PCDH15: variants seen among roughly 807,000 people sequenced by gnomAD.
The protein encoded by PCDH15 is protocadherin related 15, also known as protocadherin-15.
In PCDH15, 129 loss-of-function variants were observed where a neutral mutation model predicts 178.5. The observed-to-expected ratio is 0.72, with a 90% CI of 0.63 to 0.84. The LOEUF (loss-of-function observed/expected upper bound fraction) is 0.84. Among genes scored for constraint, PCDH15 ranks in the 40% least tolerant of loss-of-function variants. PCDH15 has a pLI of 0.00. For missense variants in PCDH15, 2,230 were observed against 2,099.9 expected (o/e 1.06, Z -1.21); for synonymous variants, 800 against 732.0 (o/e 1.09, Z -1.50).
rs189327259 is a variant in PCDH15 at position 54,996,940 on chromosome 10, C to T, written c.-79-99440G>A. 7.9e-5 allele frequency among the ~76,000 whole-genome samples: 12 copies of T among 152,114 alleles called. No homozygotes were observed. In the East Asian group the frequency reaches 2.1e-3, roughly 27 times the overall value. ...CCTGGCCAACATGGTGAAACTCTGT[C>T]TGTACTAAAAATACAAAAATTAGCC... On this transcript the variant is annotated intron_variant, in intron 2 of 5. Coordinates refer to the PCDH15 transcript ENST00000458638.
chr10:53,934,540 G>C (rs1052964466), intron 25 of PCDH15, among the ~76,000 whole-genome samples: 3 of 151,450 alleles, frequency 2.0e-5, no homozygotes, highest in African/African-American at 4.9e-5. Flanking sequence ...GGTGCTTGCA[G>C]TGAGCCCAGA....
chr10:54,004,612 C>A (rs2092315227), intron 20 of PCDH15, among the ~76,000 whole-genome samples: 1 of 151,896 alleles, frequency 6.6e-6, no homozygotes, highest in Non-Finnish European at 1.5e-5. Flanking sequence ...AGTGAAAGTT[C>A]TCTGCAATGG....
At chr10:53,951,611 T>C (rs1007278500) in intron 23 of PCDH15, among the ~76,000 whole-genome samples, 5 of 152,344 alleles carry the variant, frequency 3.3e-5, no homozygotes, top group East Asian at 3.9e-4. Context: ...TTTTTGGTCG[T>C]GTGTATGCTT....
chr10:54,928,216 G>T (rs549363983), intron 2 of PCDH15, among the ~76,000 whole-genome samples: 1 of 152,194 alleles, frequency 6.6e-6, no homozygotes, highest in South Asian at 2.1e-4. Flanking sequence ...CTGAATAAAA[G>T]ATTCTGGAAT....
At chr10:54,813,577 A>C (rs1014117930) in intron 3 of PCDH15, among the ~76,000 whole-genome samples, 5 of 152,082 alleles carry the variant, frequency 3.3e-5, no homozygotes, top group Non-Finnish European at 7.4e-5. Context: ...TTTTCCAATC[A>C]AACACATACC....
At chr10:53,923,862 T>G (rs371511363) in intron 25 of PCDH15, among the ~76,000 whole-genome samples, 22 of 152,252 alleles carry the variant, frequency 1.4e-4, no homozygotes, top group African/African-American at 4.3e-4. Flanking sequence ...ATTCTTTTCC[T>G]CTCATTCACT....
At chr10:55,247,678 G>C (rs1040308813) in intron 1 of PCDH15, 1 of 151,360 alleles carries the variant, frequency 6.6e-6, no homozygotes, top group African/African-American at 2.4e-5. Flanking sequence ...CAGCATTTTG[G>C]GAGGCCGAAG....
At chr10:54,427,380 T>G (rs2778922) in intron 3 of PCDH15, among the ~76,000 whole-genome samples, 109,617 of 148,760 alleles carry the variant, frequency 0.74, 41,580 homozygotes, top group African/African-American at 0.86. Context: ...CTGGGTTCAA[T>G]TGATTCTCCT....
intron 29 of PCDH15, among the ~76,000 whole-genome samples, chr10:53,839,135 T>C (rs1005416846): frequency 2.3e-5 from 3 of 131,456 alleles, no homozygotes; most frequent in Admixed American, 1.9e-4. Context: ...ACCCGGGAGG[T>C]GGAGCTTGCA....
chr10:54,501,972 TTAATA>T (rs1006759882), intron 3 of PCDH15, among the ~76,000 whole-genome samples: 13 of 152,086 alleles, frequency 8.5e-5, no homozygotes, highest in Admixed American at 3.3e-4. Context: ...ATTGCTCTTC[TTAATA>T]TAATATGTTA....
intron 2 of PCDH15, among the ~76,000 whole-genome samples, chr10:54,983,519 A>T (rs1308729276): frequency 6.6e-6 from 1 of 152,158 alleles, no homozygotes; most frequent in Non-Finnish European, 1.5e-5. Flanking sequence ...GAGACAACTA[A>T]GTGTTCTTGG....
intron 2 of PCDH15, chr10:54,600,715 A>G: frequency 1.9e-6 from 1 of 536,898 alleles, no homozygotes. Context: ...TTTAAGCCAT[A>G]CGACAATTTC....
chr10:55,482,583 T>C (rs1198090621), intron 2 of PCDH15, among the ~76,000 whole-genome samples: 1 of 151,782 alleles, frequency 6.6e-6, no homozygotes, highest in Non-Finnish European at 1.5e-5. Context: ...TGAAGTTTAG[T>C]TTGGCTGAAT....
chr10:55,011,710 T>C (rs562536463), intron 2 of PCDH15, among the ~76,000 whole-genome samples: 4 of 152,120 alleles, frequency 2.6e-5, no homozygotes, highest in African/African-American at 9.6e-5. Flanking sequence ...AGTACATTAA[T>C]AGGTCATGAT....
intron 3 of PCDH15, among the ~76,000 whole-genome samples, chr10:54,407,150 A>G (rs1417482682): frequency 5.3e-5 from 8 of 152,186 alleles, no homozygotes; most frequent in Non-Finnish European, 1.2e-4. Flanking sequence ...AATTTCTTAA[A>G]TAGGCAAAAT....
At chr10:54,549,457 T>C (rs2086284748) in intron 2 of PCDH15, among the ~76,000 whole-genome samples, 1 of 151,948 alleles carries the variant, frequency 6.6e-6, no homozygotes, top group African/African-American at 2.4e-5. Context: ...TACAAATGTA[T>C]TTATTTTACA....
intron 2 of PCDH15, among the ~76,000 whole-genome samples, chr10:55,023,435 A>C (rs1053372115): frequency 9.9e-5 from 15 of 152,186 alleles, no homozygotes; most frequent in African/African-American, 3.4e-4. Flanking sequence ...CATCTTTGAA[A>C]AACTACAATT....
At chr10:54,066,307 G>A (rs1026780230) in intron 18 of PCDH15, among the ~76,000 whole-genome samples, 5 of 152,110 alleles carry the variant, frequency 3.3e-5, no homozygotes, top group Non-Finnish European at 7.4e-5. Context: ...AGTTTACTAC[G>A]AGTAAATCTT....
At chr10:54,738,853 C>T (rs1413573490) in intron 1 of PCDH15, among the ~76,000 whole-genome samples, 1 of 151,928 alleles carries the variant, frequency 6.6e-6, no homozygotes, top group African/African-American at 2.4e-5. Flanking sequence ...AAAAAAATTT[C>T]CTTTGGTTAT....
Sources: allele counts gnomAD v4.1 joint callset (sites outside exome capture counted in the v4.1 genomes callset), GRCh38; gene constraint gnomAD v4.1.1; transcripts MANE v1.5; gene names NCBI Gene and HGNC (gene_info 2026-07-23, HGNC 2026-07-21).